Variants in RGMA observed in about 807,000 individuals in gnomAD.
The protein encoded by RGMA is repulsive guidance molecule A.
A neutral mutation model predicts 23.2 loss-of-function variants in RGMA; 10 were observed. That is an observed-to-expected ratio of 0.43 (90% CI 0.27 to 0.73). The LOEUF is 0.73. Ranked by LOEUF, RGMA falls within the 30% of genes least tolerant of loss-of-function variation. RGMA has a pLI of 0.20. For synonymous variants in RGMA, 308 were observed against 279.3 expected (o/e 1.10, Z -1.03); for missense variants, 547 against 630.5 (o/e 0.87, Z 1.42).
intron 2 of RGMA, chr15:93,066,717 T>C: frequency 2.8e-6 from 1 of 353,272 alleles, no homozygotes; most frequent in Non-Finnish European, 5.5e-6. Context: ...AGAGACAGGT[T>C]GGCCAGGCTG....
chr15:93,080,437 T>G (rs1295706621), intron 1 of RGMA, among the ~76,000 whole-genome samples: 1 of 152,160 alleles, frequency 6.6e-6, no homozygotes, highest in Non-Finnish European at 1.5e-5. Context: ...AGAAGGTAAG[T>G]AACCTGCTTG....
chr15:93,065,346 G>A lies in RGMA; in HGVS notation c.130+7570C>T, dbSNP rs118056611. 2.2e-3 allele frequency among the ~76,000 whole-genome samples: 332 copies of A among 151,756 alleles called. 9 individuals carry two copies. In the East Asian group the frequency reaches 0.055, roughly 25 times the overall value. ...CCTTCTCAGCCTGAGTTAGGGGAGG[G>A]GGTTGGTGTCTCTGAACAGTAAGCT... On this transcript the variant is annotated intron_variant, in intron 2 of 3. Transcript: ENST00000329082.
intron 3 of RGMA, 111 bp downstream of exon 3, chr15:93,051,882 C>T (rs2054925886): frequency 2.5e-6 from 3 of 1,182,202 alleles, no homozygotes; most frequent in Non-Finnish European, 3.5e-6. Flanking sequence ...CCCCGCTCCG[C>T]TCCGTCTTCC....
intron 2 of RGMA, among the ~76,000 whole-genome samples, chr15:93,064,858 GA>G (rs1250237417): frequency 1.3e-5 from 2 of 152,148 alleles, no homozygotes; most frequent in Non-Finnish European, 2.9e-5. Flanking sequence ...CCTTTGGGAG[GA>G]GGCAAAAATG....
rs2054788359 is a variant in RGMA, at chr15:93,044,842, A to AG, written c.*155dup. On this transcript the variant is annotated 3_prime_UTR_variant, in exon 4 of 4. Coordinates refer to ENST00000329082, the MANE Select transcript of RGMA (RefSeq NM_020211.3). ...ACCTTGTCACGTGCACTAGAAGGGG[A>AG]GGGGTCCGTGCCTGAGCCCTTGGCA... 1.6e-6 allele frequency: 1 copy of AG among 626,048 alleles called. No homozygotes were observed. Among genetic ancestry groups the AG allele is most frequent in the Non-Finnish European group, 2.8e-6 (1 of 356,018 alleles). 38.8% of individuals were successfully genotyped at this position (626,048 alleles called of 1,614,324 possible). A position where few individuals can be genotyped will look rare whatever the true frequency, so the allele number is the denominator to read the frequency against.
chr15:93,072,802 G>A, intron 2 of RGMA, 114 bp downstream of exon 2: 1 of 1,124,708 alleles, frequency 8.9e-7, no homozygotes, highest in Non-Finnish European at 1.3e-6. Context: ...ATAGGAGGCG[G>A]GGTCCGGAGG....
chr15:93,072,810 A>T, intron 2 of RGMA, 106 bp downstream of exon 2: 1 of 1,237,876 alleles, frequency 8.1e-7, no homozygotes, highest in Non-Finnish European at 1.1e-6. Context: ...CGGGGTCCGG[A>T]GGAGGTCCGG....
chr15:93,059,734 C>A (rs1449129654), intron 2 of RGMA, among the ~76,000 whole-genome samples: 7 of 152,196 alleles, frequency 4.6e-5, no homozygotes, highest in Admixed American at 2.6e-4. Context: ...TGCAGCCCCC[C>A]ACCAGAGGTC....
intron 2 of RGMA, 133 bp from the exon 3 acceptor site, chr15:93,052,640 G>T: frequency 9.6e-7 from 1 of 1,042,038 alleles, no homozygotes; most frequent in Non-Finnish European, 1.3e-6. Context: ...CACACAGATG[G>T]TGAAAAATTT....
chr15:93,076,454 A>G (rs1239812544), intron 1 of RGMA, among the ~76,000 whole-genome samples: 1 of 152,112 alleles, frequency 6.6e-6, no homozygotes, highest in Non-Finnish European at 1.5e-5. Flanking sequence ...GTCAACAAAT[A>G]TATATTCAGG....
intron 2 of RGMA, 53 bp downstream of exon 2, chr15:93,072,863 T>C: frequency 6.4e-6 from 10 of 1,556,594 alleles, no homozygotes; most frequent in Admixed American, 5.7e-5. Flanking sequence ...TGGCCCAGCA[T>C]TGAGGGGCGG....
At chr15:93,071,888 C>T (rs1386360462) in intron 2 of RGMA, among the ~76,000 whole-genome samples, 4 of 152,216 alleles carry the variant, frequency 2.6e-5, no homozygotes, top group African/African-American at 9.6e-5. Flanking sequence ...CTGAACCCCG[C>T]AAACACAATG....
At chr15:93,060,230 T>C (rs2055080705) in intron 2 of RGMA, among the ~76,000 whole-genome samples, 1 of 152,236 alleles carries the variant, frequency 6.6e-6, no homozygotes, top group South Asian at 2.1e-4. Context: ...TGGTAAGCCT[T>C]GCAACCTGGG....
At chr15:93,072,344 CAG>C (rs529674874) in intron 2 of RGMA, among the ~76,000 whole-genome samples, 49 of 152,316 alleles carry the variant, frequency 3.2e-4, no homozygotes, top group Middle Eastern at 3.4e-3. Flanking sequence ...TAAAAACAAA[CAG>C]GGGGCGACGC....
In RGMA at chr15:93,045,768, C is replaced by G; in HGVS notation, c.646-63G>C. The G allele has an allele frequency of 8.3e-7, 1 of 1,199,524 alleles. No individual in the cohort carries two copies. The highest frequency in any genetic ancestry group is 1.2e-6 in the Non-Finnish European group (1 of 826,244). 74.3% of individuals were successfully genotyped at this position (1,199,524 alleles called of 1,614,324 possible). On this transcript the variant is annotated intron_variant, in intron 3 of 3. Transcript: ENST00000329082. The surrounding 1 kb of genome is among the most constrained non-coding windows in gnomAD (Gnocchi z 6.9). ...CAGTGGGAGGAGGCACAGCCCCACACTTAAGATGCTCTAGACTGAGAGGAG... is the reference window on the plus strand; with the variant it reads ...CAGTGGGAGGAGGCACAGCCCCACAGTTAAGATGCTCTAGACTGAGAGGAG...
intron 2 of RGMA, among the ~76,000 whole-genome samples, chr15:93,068,670 C>T (rs917771755): frequency 3.9e-5 from 6 of 152,208 alleles, no homozygotes; most frequent in African/African-American, 1.4e-4. Flanking sequence ...CTGCAGGTGC[C>T]GTCACACACT....
At chr15:93,067,558 G>A (rs933643626) in intron 2 of RGMA, among the ~76,000 whole-genome samples, 4 of 135,006 alleles carry the variant, frequency 3.0e-5, no homozygotes, top group African/African-American at 1.0e-4. Context: ...CCCCGGCGTC[G>A]GGGGGGTCTG....
chr15:93,073,638 G>A lies in RGMA; in HGVS notation c.15-607C>T, dbSNP rs546366935. ...ATCAGTCGCACTCAGACGCGACACCGGTGCAGGAGGCTGAAAAACCCACTT... is the reference window on the plus strand; with the variant it reads ...ATCAGTCGCACTCAGACGCGACACCAGTGCAGGAGGCTGAAAAACCCACTT... On this transcript the variant is annotated intron_variant, in intron 1 of 3. Transcript: ENST00000329082. 10 of 1,537,080 alleles carry A rather than the reference G, an allele frequency of 6.5e-6. No homozygotes were observed. In the East Asian group the frequency reaches 1.7e-4, roughly 26 times the overall value.
At position 93,044,883 on chromosome 15, in the gene RGMA, C is replaced by T. The variant is rs1370438105; in HGVS notation, c.*115G>A. ...GCCCTTGGCAGCAGGCGGTCCCTGGCGTTCTGCGGGGCCATGGTGGACACG... is the reference window on the plus strand; with the variant it reads ...GCCCTTGGCAGCAGGCGGTCCCTGGTGTTCTGCGGGGCCATGGTGGACACG... On this transcript the variant is annotated 3_prime_UTR_variant, in exon 4 of 4. Coordinates refer to ENST00000329082, the MANE Select transcript of RGMA (RefSeq NM_020211.3). The T allele has an allele frequency of 2.0e-5, 17 of 862,980 alleles. No individual in the cohort carries two copies. The highest frequency in any genetic ancestry group is 3.6e-5 in the South Asian group (2 of 56,270). 53.5% of individuals were successfully genotyped at this position (862,980 alleles called of 1,614,324 possible). A position where few individuals can be genotyped will look rare whatever the true frequency, so the allele number is the denominator to read the frequency against.
Sources: gnomAD v4.1 joint callset for allele counts (sites outside exome capture counted in the v4.1 genomes callset) on GRCh38, gnomAD v4.1.1 for gene constraint, Gnocchi (gnomAD v3.1) non-coding constraint, MANE v1.5 for transcripts, NCBI Gene and HGNC (gene_info 2026-07-23, HGNC 2026-07-21) for gene names.